Variants in VWC2L observed in about 807,000 individuals in gnomAD.
The protein encoded by VWC2L is von Willebrand factor C domain-containing protein 2-like.
Under a neutral mutation model 21.6 loss-of-function variants are expected in VWC2L, and 10 were observed. The ratio of observed to expected loss-of-function variants is 0.46; its 90% confidence interval spans 0.29 to 0.78. The LOEUF is 0.78. VWC2L is among the 30% of genes least tolerant of loss of function. VWC2L has a pLI of 0.10. For synonymous variants in VWC2L, 96 were observed against 94.3 expected (o/e 1.02, Z -0.10); for missense variants, 209 against 277.1 (o/e 0.75, Z 1.74).
intron 3 of VWC2L, among the ~76,000 whole-genome samples, chr2:214,464,239 A>G (rs958103343): frequency 3.9e-5 from 6 of 151,916 alleles, no homozygotes; most frequent in Non-Finnish European, 4.4e-5. Flanking sequence ...GGCATTGAAG[A>G]GTTGGGTATT....
intron 1 of VWC2L, among the ~76,000 whole-genome samples, chr2:214,412,110 T>C (rs951361150): frequency 4.6e-5 from 7 of 152,110 alleles, no homozygotes; most frequent in African/African-American, 1.4e-4. Flanking sequence ...TTAAGATATA[T>C]TTCATATAAT....
Position 214,469,502 on chromosome 2 carries a change from G to A in VWC2L, c.520+32744G>A, listed in dbSNP as rs1419084370. Among the ~76,000 whole-genome samples, 3 of 152,294 alleles carry A rather than the reference G, an allele frequency of 2.0e-5. No homozygotes were observed. The South Asian group carries it at 6.2e-4, about 32-fold the overall frequency. On this transcript the variant is annotated intron_variant, in intron 3 of 3. Coordinates refer to ENST00000312504, the MANE Select transcript of VWC2L (RefSeq NM_001080500.4). ...CCCAGTTACTTGGGAGGCTGAAGCA[G>A]GAGAATGGCATGAACCTGGGAGGCA...
Position 214,478,484 on chromosome 2 carries a change from A to G in VWC2L, c.520+41726A>G, listed in dbSNP as rs1185440875. On this transcript the variant is annotated intron_variant, in intron 3 of 3. Transcript: ENST00000312504. ...ACTCCATCTCAAAAAAAAAAAAACAACAAAAAACAACGACAACAAAAAAAG... is the reference window on the plus strand; with the variant it reads ...ACTCCATCTCAAAAAAAAAAAAACAGCAAAAAACAACGACAACAAAAAAAG... Among the ~76,000 whole-genome samples, 4 of 151,868 alleles carry G rather than the reference A, an allele frequency of 2.6e-5. No individual in the cohort carries two copies. In the East Asian group the frequency reaches 7.7e-4, roughly 29 times the overall value.
intron 3 of VWC2L, among the ~76,000 whole-genome samples, chr2:214,456,840 C>A (rs1227632165): frequency 6.6e-6 from 1 of 152,064 alleles, no homozygotes; most frequent in Non-Finnish European, 1.5e-5. Flanking sequence ...TTTCTCCCCC[C>A]ACTATGTGTT....
rs575860574 is a variant in VWC2L, at chr2:214,412,566, T to C, written c.-81+780T>C. ...ATGACTTATTATTTTTGACATATTT[T>C]ATAAGAAATCATCGGCTTTATTACC... is the stretch of plus-strand genomic sequence containing the variant. On this transcript the variant is annotated intron_variant, in intron 1 of 3. Coordinates refer to ENST00000312504, the MANE Select transcript of VWC2L (RefSeq NM_001080500.4). 2.2e-4 allele frequency among the ~76,000 whole-genome samples: 33 copies of C among 152,200 alleles called. No homozygotes were observed. The South Asian group carries it at 6.2e-3, about 29-fold the overall frequency.
chr2:214,506,787 A>G (rs893668736), intron 3 of VWC2L, among the ~76,000 whole-genome samples: 1 of 152,166 alleles, frequency 6.6e-6, no homozygotes, highest in Admixed American at 6.5e-5. Flanking sequence ...AGCCAATAAA[A>G]ATATTTCTAA....
At chr2:214,454,219 T>G (rs1441712445) in intron 3 of VWC2L, among the ~76,000 whole-genome samples, 1 of 152,170 alleles carries the variant, frequency 6.6e-6, no homozygotes, top group Non-Finnish European at 1.5e-5. Flanking sequence ...TCATGTTGTC[T>G]GTGAATAAAG....
intron 3 of VWC2L, among the ~76,000 whole-genome samples, chr2:214,499,126 C>A (rs894415446): frequency 1.4e-5 from 2 of 146,962 alleles, no homozygotes; most frequent in Non-Finnish European, 3.0e-5. Context: ...TCAAGCAATT[C>A]TCCTGCCTCA....
intron 3 of VWC2L, among the ~76,000 whole-genome samples, chr2:214,525,705 G>GA (rs1324681670): frequency 6.6e-6 from 1 of 152,108 alleles, no homozygotes; most frequent in African/African-American, 2.4e-5. Context: ...TCTGCTATGA[G>GA]AAAAAAGTCA....
At chr2:214,447,037 A>T (rs866511998) in intron 3 of VWC2L, among the ~76,000 whole-genome samples, 7 of 152,044 alleles carry the variant, frequency 4.6e-5, no homozygotes, top group Non-Finnish European at 8.8e-5. Context: ...GATTTCTAGG[A>T]TTGTAGACAG....
chr2:214,514,757 C>A (rs950479335), intron 3 of VWC2L, among the ~76,000 whole-genome samples: 30 of 152,220 alleles, frequency 2.0e-4, no homozygotes, highest in Non-Finnish European at 4.0e-4. Flanking sequence ...TGTTTGAACA[C>A]TGACAGTCAC....
At chr2:214,515,795 T>C (rs1159811557) in intron 3 of VWC2L, among the ~76,000 whole-genome samples, 3 of 152,126 alleles carry the variant, frequency 2.0e-5, no homozygotes, top group African/African-American at 7.2e-5. Context: ...CCTCAGGTGA[T>C]CCACCCATCT....
intron 3 of VWC2L, among the ~76,000 whole-genome samples, chr2:214,554,286 C>A (rs548109479): frequency 6.6e-6 from 1 of 152,274 alleles, no homozygotes; most frequent in South Asian, 2.1e-4. Context: ...AAATTCTAAG[C>A]CCCTCAATTG....
chr2:214,438,432 A>T (rs141157859), intron 3 of VWC2L, among the ~76,000 whole-genome samples: 239 of 152,014 alleles, frequency 1.6e-3, no homozygotes, highest in Non-Finnish European at 2.5e-3. Context: ...CTGTCTAAAC[A>T]AGTCCTTGAG....
At chr2:214,500,241 G>C (rs1688873012) in intron 3 of VWC2L, among the ~76,000 whole-genome samples, 1 of 152,170 alleles carries the variant, frequency 6.6e-6, no homozygotes, top group Admixed American at 6.5e-5. Flanking sequence ...TTTCTGCTCT[G>C]ATAAAACCGT....
chr2:214,517,773 C>A (rs1306181720), intron 3 of VWC2L, among the ~76,000 whole-genome samples: 1 of 151,888 alleles, frequency 6.6e-6, no homozygotes, highest in African/African-American at 2.4e-5. Flanking sequence ...TTAAAAGATG[C>A]CAAAAAGGCC....
intron 3 of VWC2L, among the ~76,000 whole-genome samples, chr2:214,551,537 T>A (rs1689794722): frequency 6.6e-6 from 1 of 152,232 alleles, no homozygotes; most frequent in Non-Finnish European, 1.5e-5. Context: ...TGGACAAGCA[T>A]CCACTGTTGC....
intron 3 of VWC2L, among the ~76,000 whole-genome samples, chr2:214,470,773 C>A (rs1703293880): frequency 6.6e-6 from 1 of 151,770 alleles, no homozygotes; most frequent in Admixed American, 6.6e-5. Context: ...ATTAGCTGGG[C>A]ATATTGGCAC....
chr2:214,476,895 C>T (rs542017416), intron 3 of VWC2L, among the ~76,000 whole-genome samples: 7 of 152,162 alleles, frequency 4.6e-5, no homozygotes, highest in South Asian at 2.1e-4. Flanking sequence ...TGCCAATTTG[C>T]GGTGTAGCTG....
Sources: allele counts gnomAD v4.1 joint callset (sites outside exome capture counted in the v4.1 genomes callset), GRCh38; gene constraint gnomAD v4.1.1; transcripts MANE v1.5; gene names NCBI Gene and HGNC (gene_info 2026-07-23, HGNC 2026-07-21).